CSMD1: variants seen among roughly 807,000 people sequenced by gnomAD.
The protein encoded by CSMD1 is CUB and Sushi multiple domains 1.
A neutral mutation model predicts 417.5 loss-of-function variants in CSMD1; 213 were observed. That is an observed-to-expected ratio of 0.51 (90% CI 0.46 to 0.57). The LOEUF (loss-of-function observed/expected upper bound fraction) is 0.57, where lower values mean the gene tolerates loss of function less well. Among genes scored for constraint, CSMD1 ranks in the 20% least tolerant of loss-of-function variants. CSMD1 has a pLI of 0.00. For synonymous variants in CSMD1, 2,862 were observed against 1,736.8 expected (o/e 1.65, Z -16.11); for missense variants, 6,923 against 4,529.7 (o/e 1.53, Z -15.17).
intron 26 of CSMD1, among the ~76,000 whole-genome samples, chr8:3,253,677 G>T (rs951229064): frequency 6.6e-6 from 1 of 152,040 alleles, no homozygotes; most frequent in Non-Finnish European, 1.5e-5. Flanking sequence ...TCTCTTTGTA[G>T]GTCTCTAAGG....
intron 3 of CSMD1, among the ~76,000 whole-genome samples, chr8:4,238,870 A>G (rs1405608138): frequency 2.0e-5 from 3 of 152,138 alleles, no homozygotes; most frequent in Non-Finnish European, 2.9e-5. Context: ...TAGCAAATGC[A>G]ATTTTTTTAG....
At chr8:4,692,713 C>A (rs778894883) in intron 1 of CSMD1, among the ~76,000 whole-genome samples, 2 of 152,136 alleles carry the variant, frequency 1.3e-5, no homozygotes, top group African/African-American at 2.4e-5. Context: ...AGCCTGCAAA[C>A]CCCCCGATAA....
At position 3,151,433 on chromosome 8, in the gene CSMD1, C is replaced by G. The variant is rs776789615; in HGVS notation, c.5995G>C (p.Asp1999His). Residue 1999 changes from aspartate (D) to histidine (H), a missense_variant, in exon 40 of 70, where the codon GAC becomes CAC. Transcript: ENST00000635120. ...GFPGSYPNNL[D>H]CTWRISLPIG... is the part of the protein sequence containing the mutation. ...GGTAATGAGATCCTCCAGGTGCAGTCTAAGTTGTTGGGGTAAGAACCTGGG... is the reference window on the plus strand; with the variant it reads ...GGTAATGAGATCCTCCAGGTGCAGTGTAAGTTGTTGGGGTAAGAACCTGGG... 6.2e-7 allele frequency: 1 copy of G among 1,613,724 alleles called. No homozygotes were observed.
At chr8:3,597,035 C>G (rs1252485017) in intron 8 of CSMD1, among the ~76,000 whole-genome samples, 1 of 152,298 alleles carries the variant, frequency 6.6e-6, no homozygotes, top group East Asian at 1.9e-4. Flanking sequence ...CCACCCAGAG[C>G]CAGGAGCCCT....
intron 3 of CSMD1, among the ~76,000 whole-genome samples, chr8:4,407,086 G>A (rs191757789): frequency 1.2e-4 from 18 of 152,218 alleles, no homozygotes; most frequent in East Asian, 1.9e-4. Flanking sequence ...TGTCTATGGC[G>A]CTTTCATACT....
chr8:4,945,067 A>T (rs917789348), intron 1 of CSMD1, among the ~76,000 whole-genome samples: 1 of 152,174 alleles, frequency 6.6e-6, no homozygotes, highest in African/African-American at 2.4e-5. Flanking sequence ...TATTTATCCT[A>T]AAAAGGAAGA....
intron 3 of CSMD1, among the ~76,000 whole-genome samples, chr8:4,039,444 T>C (rs1797776418): frequency 6.6e-6 from 1 of 152,236 alleles, no homozygotes; most frequent in Admixed American, 6.5e-5. Flanking sequence ...TCGGATTTCC[T>C]AGTCTTGAAA....
chr8:3,957,303 T>C (rs796461602), intron 5 of CSMD1, among the ~76,000 whole-genome samples: 12 of 152,188 alleles, frequency 7.9e-5, no homozygotes, highest in South Asian at 6.2e-4. Context: ...TCAGAAATAT[T>C]TTTTTAGTTG....
chr8:3,168,733 G>A (rs985195783), intron 37 of CSMD1, among the ~76,000 whole-genome samples: 50 of 152,032 alleles, frequency 3.3e-4, no homozygotes, highest in African/African-American at 1.2e-3. Context: ...TTATCATCTG[G>A]GAAATTTAGA....
chr8:3,654,520 G>C (rs1192843148), intron 7 of CSMD1, among the ~76,000 whole-genome samples: 2 of 152,152 alleles, frequency 1.3e-5, no homozygotes, highest in Non-Finnish European at 2.9e-5. Flanking sequence ...ACACTGTTAG[G>C]AGAACTTACA....
chr8:3,962,019 T>C (rs1453821862), intron 5 of CSMD1, among the ~76,000 whole-genome samples: 7 of 152,140 alleles, frequency 4.6e-5, no homozygotes, highest in Non-Finnish European at 8.8e-5. Flanking sequence ...GCTTGTGTCA[T>C]CTTATTTCCT....
chr8:3,115,598 A>G (rs73506516), intron 42 of CSMD1, among the ~76,000 whole-genome samples: 2,750 of 152,322 alleles, frequency 0.018, 71 homozygotes, highest in African/African-American at 0.061. Context: ...GATAACTTTC[A>G]GAGACATATT....
chr8:4,329,238 A>G (rs943413139), intron 3 of CSMD1, among the ~76,000 whole-genome samples: 2 of 152,226 alleles, frequency 1.3e-5, no homozygotes, highest in African/African-American at 4.8e-5. Flanking sequence ...CAGTGTTGAC[A>G]TATGCACAGA....
At chr8:3,834,093 T>C (rs992845275) in intron 5 of CSMD1, among the ~76,000 whole-genome samples, 5 of 152,236 alleles carry the variant, frequency 3.3e-5, no homozygotes, top group Non-Finnish European at 7.3e-5. Context: ...ATTTCCTTTC[T>C]TAAAATTGTT....
intron 1 of CSMD1, among the ~76,000 whole-genome samples, chr8:4,931,182 G>C (rs1807221785): frequency 6.6e-6 from 1 of 151,928 alleles, no homozygotes; most frequent in Non-Finnish European, 1.5e-5. Flanking sequence ...AAGTTATTTG[G>C]GGCAGTCCTA....
At chr8:4,953,689 T>A (rs1808895952) in intron 1 of CSMD1, among the ~76,000 whole-genome samples, 1 of 152,218 alleles carries the variant, frequency 6.6e-6, no homozygotes, top group Admixed American at 6.5e-5. Flanking sequence ...GAATTATCAA[T>A]ATGCTATTTT....
intron 1 of CSMD1, among the ~76,000 whole-genome samples, chr8:4,676,674 T>A (rs1290169535): frequency 6.6e-6 from 1 of 152,088 alleles, no homozygotes. Flanking sequence ...ACAATTTTAT[T>A]ATAGCCTATG....
chr8:3,385,297 C>G (rs1201891592), intron 18 of CSMD1, among the ~76,000 whole-genome samples: 1 of 148,502 alleles, frequency 6.7e-6, no homozygotes, highest in Non-Finnish European at 1.5e-5. Context: ...GTATATAGGC[C>G]TTTACATTTC....
In CSMD1 at chr8:4,513,935, C is replaced by T. The variant is rs925265919; in HGVS notation, c.303-93870G>A. 2.1e-4 allele frequency among the ~76,000 whole-genome samples: 32 copies of T among 152,098 alleles called. 1 individual carries two copies. The highest frequency in any genetic ancestry group is 1.8e-3 in the Admixed American group (27 of 15,266). On this transcript the variant is annotated intron_variant, in intron 2 of 69. Transcript: ENST00000635120. ...AAGTGTGATGTCAAATTTCTCAAAC[C>T]TGAGTGATCCAAAGAATCACTTGGG...
Sources: gnomAD v4.1 joint callset for allele counts (sites outside exome capture counted in the v4.1 genomes callset) on GRCh38, gnomAD v4.1.1 for gene constraint, MANE v1.5 for transcripts, NCBI Gene and HGNC (gene_info 2026-07-23, HGNC 2026-07-21) for gene names.